The following ICA1L variants were observed in gnomAD, a reference collection of about 807,000 sequenced individuals.
ICA1L encodes islet cell autoantigen 1 like, also known as islet cell autoantigen 1-like protein.
In ICA1L, 50 loss-of-function variants were observed where a neutral mutation model predicts 61.3. The observed-to-expected ratio is 0.82, with a 90% CI of 0.65 to 1.03. ICA1L has a LOEUF of 1.03. ICA1L is among the 50% of genes least tolerant of loss of function. The pLI, the probability that ICA1L is intolerant of heterozygous loss-of-function variation, is 0.00. For missense variants in ICA1L, 508 were observed against 556.7 expected (o/e 0.91, Z 0.88); for synonymous variants, 161 against 191.3 (o/e 0.84, Z 1.31).
intron 10 of ICA1L, among the ~76,000 whole-genome samples, chr2:202,793,854 C>T (rs1193612116): frequency 3.3e-5 from 5 of 151,574 alleles, no homozygotes; most frequent in East Asian, 3.9e-4. Context: ...GGCATGGTGG[C>T]GTGCACCTGT....
In ICA1L at chr2:202,776,225, T is replaced by C. The variant is rs1692216570; in HGVS notation, c.*3308A>G. The C allele has an allele frequency of 2.0e-5, 3 of 151,804 alleles. No homozygotes were observed. The highest frequency in any genetic ancestry group is 7.3e-5 in the African/African-American group (3 of 41,066). 9.4% of individuals were successfully genotyped at this position (151,804 alleles called of 1,614,324 possible). ...TGAAGGATTTCAAAAACATACAAAA[T>C]TACACCAATCTGATCTTATTATGCC... On this transcript the variant is annotated 3_prime_UTR_variant, in exon 13 of 13. Coordinates refer to ENST00000358299, the MANE Select transcript of ICA1L (RefSeq NM_001288622.3).
At chr2:202,853,563 G>C (rs1428923431) in intron 1 of ICA1L, among the ~76,000 whole-genome samples, 2 of 151,966 alleles carry the variant, frequency 1.3e-5, no homozygotes, top group Non-Finnish European at 2.9e-5. Context: ...CCATCAGAGT[G>C]AACAGGCAAC....
chr2:202,828,723 A>G (rs1693918829), intron 2 of ICA1L, 125 bp downstream of exon 2: 1 of 797,102 alleles, frequency 1.3e-6, no homozygotes, highest in Non-Finnish European at 2.0e-6. Context: ...GGATACAACT[A>G]AACATTCTAT....
At chr2:202,787,077 G>A (rs1692610874) in intron 11 of ICA1L, among the ~76,000 whole-genome samples, 1 of 152,164 alleles carries the variant, frequency 6.6e-6, no homozygotes, top group Non-Finnish European at 1.5e-5. Context: ...CTGTACCACA[G>A]GAGAGAGAAA....
chr2:202,839,601 T>A (rs903839542), intron 1 of ICA1L, among the ~76,000 whole-genome samples: 4 of 110,240 alleles, frequency 3.6e-5, no homozygotes, highest in Non-Finnish European at 8.5e-5. Context: ...TGTGTGTGTG[T>A]GTGTGTGTGT....
At chr2:202,834,400 G>T (rs192295957) in intron 1 of ICA1L, among the ~76,000 whole-genome samples, 1 of 152,138 alleles carries the variant, frequency 6.6e-6, no homozygotes, top group Non-Finnish European at 1.5e-5. Context: ...AGGCTGAGGC[G>T]GGTGGATAAC....
intron 3 of ICA1L, among the ~76,000 whole-genome samples, chr2:202,825,082 T>C (rs1693801138): frequency 6.6e-6 from 1 of 152,202 alleles, no homozygotes; most frequent in Non-Finnish European, 1.5e-5. Context: ...ATCACATTTT[T>C]CTGTAAAGAG....
chr2:202,825,660 T>A (rs371109529), intron 3 of ICA1L, 35 bp downstream of exon 3: 477 of 1,398,464 alleles, frequency 3.4e-4, no homozygotes, highest in Non-Finnish European at 4.5e-4. Context: ...TTATTTTAAA[T>A]GGGGATTATC....
intron 3 of ICA1L, chr2:202,821,755 A>G (rs1280640991): frequency 5.1e-6 from 1 of 197,954 alleles, no homozygotes. Flanking sequence ...ATTTTTAGTG[A>G]CAAAAATCCC....
chr2:202,790,805 C>T (rs938336459), intron 10 of ICA1L, among the ~76,000 whole-genome samples: 14 of 152,106 alleles, frequency 9.2e-5, no homozygotes, highest in African/African-American at 2.7e-4. Flanking sequence ...CTAAGGCTAC[C>T]GTCACTCTCC....
chr2:202,814,748 T>G lies in ICA1L; in HGVS notation c.820A>C (p.Asn274His), dbSNP rs1212037743. The stretch of plus-strand genomic sequence containing the variant: ...AAACCGCCTATTTGTTCATCTTTAT[T>G]GTCTTCACTAATCTTGCTTGGCGTG... The part of the protein sequence containing the change: ...QDTPSKISED[N>H]KDEQIGGFLT... Residue 274 changes from asparagine (N) to histidine (H), a missense_variant, in exon 8 of 13, where the codon AAT becomes CAT. By Grantham distance (68) the Asn-to-His change is moderately conservative. Transcript: ENST00000358299. The G allele has an allele frequency of 6.2e-7, 1 of 1,613,930 alleles. No homozygotes were observed.
chr2:202,810,261 T>G (rs892584720), intron 9 of ICA1L, among the ~76,000 whole-genome samples: 4 of 152,176 alleles, frequency 2.6e-5, no homozygotes, highest in Non-Finnish European at 5.9e-5. Flanking sequence ...CCTCCAAAAA[T>G]TGTTGTGGGA....
At chr2:202,814,241 G>A (rs2105845685) in intron 8 of ICA1L, among the ~76,000 whole-genome samples, 1 of 152,244 alleles carries the variant, frequency 6.6e-6, no homozygotes, top group South Asian at 2.1e-4. Flanking sequence ...GGGTCATTGG[G>A]GCAGATCTCT....
intron 12 of ICA1L, among the ~76,000 whole-genome samples, chr2:202,781,990 G>A (rs773747056): frequency 6.6e-6 from 1 of 151,986 alleles, no homozygotes; most frequent in African/African-American, 2.4e-5. Flanking sequence ...CTTTTAATTT[G>A]TACTTCCTTA....
intron 2 of ICA1L, among the ~76,000 whole-genome samples, chr2:202,827,193 A>C (rs751488277): frequency 6.6e-6 from 1 of 152,226 alleles, no homozygotes; most frequent in Non-Finnish European, 1.5e-5. Context: ...CAGGAGTTTG[A>C]GACCAGCCTG....
chr2:202,840,004 AC>A, intron 1 of ICA1L, among the ~76,000 whole-genome samples: 1 of 149,976 alleles, frequency 6.7e-6, no homozygotes, highest in Middle Eastern at 3.6e-3. Context: ...GTCACAATTT[AC>A]ATCTTTTTAT....
chr2:202,798,262 C>T (rs961897618), intron 9 of ICA1L, among the ~76,000 whole-genome samples: 1 of 152,010 alleles, frequency 6.6e-6, no homozygotes, highest in Non-Finnish European at 1.5e-5. Flanking sequence ...GGGTCATGCT[C>T]TGTTACCCAG....
chr2:202,814,360 T>A (rs1391873663), intron 8 of ICA1L, among the ~76,000 whole-genome samples: 1 of 152,186 alleles, frequency 6.6e-6, no homozygotes, highest in African/African-American at 2.4e-5. Context: ...ACAGCCAGCA[T>A]GCCCCTTGAT....
intron 1 of ICA1L, among the ~76,000 whole-genome samples, chr2:202,842,372 G>T (rs1018929917): frequency 6.6e-6 from 1 of 152,062 alleles, no homozygotes; most frequent in East Asian, 1.9e-4. Context: ...CTCAGTTTTT[G>T]TTTGAGAAAG....
Sources: gnomAD v4.1 joint callset for allele counts (sites outside exome capture counted in the v4.1 genomes callset) on GRCh38, gnomAD v4.1.1 for gene constraint, MANE v1.5 for transcripts, NCBI Gene and HGNC (gene_info 2026-07-23, HGNC 2026-07-21) for gene names.